Variants in ZNF804A observed in about 807,000 individuals in gnomAD.
ZNF804A encodes zinc finger protein 804A.
In ZNF804A, 2 loss-of-function variants were observed where a neutral mutation model predicts 16.5. The ratio of observed to expected loss-of-function variants is 0.12; its 90% CI spans 0.05 to 0.38. ZNF804A has a LOEUF of 0.38. Among genes scored for constraint, ZNF804A ranks in the 10% least tolerant of loss-of-function variants. ZNF804A has a pLI of 0.99. For missense variants in ZNF804A, 1,473 were observed against 1,390.7 expected, an observed-to-expected ratio of 1.06 and a Z score of -0.94; for synonymous variants, 534 against 489.6, an observed-to-expected ratio of 1.09 and a Z score of -1.20.
chr2:184,784,853 G>A (rs1193626899), intron 1 of ZNF804A, among the ~76,000 whole-genome samples: 4 of 151,934 alleles, frequency 2.6e-5, no homozygotes, highest in Admixed American at 1.3e-4. Flanking sequence ...CATAAGTCTT[G>A]AGAAAGGAAA....
intron 1 of ZNF804A, among the ~76,000 whole-genome samples, chr2:184,839,435 T>A (rs1165794670): frequency 6.6e-6 from 1 of 152,116 alleles, no homozygotes; most frequent in South Asian, 2.1e-4. Flanking sequence ...AATAGTGTTA[T>A]TAATTTAACA....
At chr2:184,719,651 A>G (rs1353590863) in intron 1 of ZNF804A, among the ~76,000 whole-genome samples, 2 of 152,166 alleles carry the variant, frequency 1.3e-5, no homozygotes, top group Non-Finnish European at 2.9e-5. Flanking sequence ...GGCAAAATAC[A>G]GCCAGTCTCT....
At chr2:184,882,094 A>T (rs1240618438) in intron 2 of ZNF804A, among the ~76,000 whole-genome samples, 1 of 152,060 alleles carries the variant, frequency 6.6e-6, no homozygotes, top group East Asian at 1.9e-4. Flanking sequence ...GGAGTGGAGA[A>T]AAATGTACCA....
intron 2 of ZNF804A, among the ~76,000 whole-genome samples, chr2:184,905,408 T>G (rs1685255321): frequency 6.6e-6 from 1 of 151,820 alleles, no homozygotes; most frequent in Non-Finnish European, 1.5e-5. Context: ...ATAACAGCAT[T>G]TTTTTTTAGA....
intron 1 of ZNF804A, among the ~76,000 whole-genome samples, chr2:184,641,473 G>A (rs1429489136): frequency 6.6e-6 from 1 of 152,156 alleles, no homozygotes; most frequent in Non-Finnish European, 1.5e-5. Context: ...TTTATGTCTT[G>A]ATTGTGGTGG....
Position 184,661,788 on chromosome 2 carries a change from A to G in ZNF804A, c.111+62718A>G, listed in dbSNP as rs535130254. 2.0e-5 allele frequency among the ~76,000 whole-genome samples: 3 copies of G among 152,272 alleles called. No homozygotes were observed. The South Asian group carries it at 6.2e-4, about 32-fold the overall frequency. On this transcript the variant is annotated intron_variant, in intron 1 of 3. Coordinates refer to ENST00000302277, the MANE Select transcript of ZNF804A (RefSeq NM_194250.2). ...GGGACCAGTCCCTGTCTGTCTAGGA[A>G]TTAATCTGTCTCATCACTCTCAAGA...
chr2:184,807,880 A>T (rs1694835781), intron 1 of ZNF804A, among the ~76,000 whole-genome samples: 1 of 151,824 alleles, frequency 6.6e-6, no homozygotes, highest in Non-Finnish European at 1.5e-5. Context: ...TATTTAGAGA[A>T]AGGGCAAGAA....
intron 1 of ZNF804A, among the ~76,000 whole-genome samples, chr2:184,700,150 G>A (rs773284633): frequency 2.6e-5 from 4 of 152,044 alleles, no homozygotes; most frequent in Non-Finnish European, 5.9e-5. Flanking sequence ...AGTCATATTT[G>A]TAAACTTATT....
At chr2:184,809,697 G>A (rs1694862598) in intron 1 of ZNF804A, among the ~76,000 whole-genome samples, 1 of 151,384 alleles carries the variant, frequency 6.6e-6, no homozygotes, top group African/African-American at 2.4e-5. Flanking sequence ...TTAAGGTGGG[G>A]GTCAAAAATG....
At chr2:184,764,789 G>C (rs1694090581) in intron 1 of ZNF804A, among the ~76,000 whole-genome samples, 1 of 151,838 alleles carries the variant, frequency 6.6e-6, no homozygotes, top group Admixed American at 6.6e-5. Context: ...CAAAATTAAA[G>C]TCAATATAAT....
At chr2:184,621,510 T>C (rs181001704) in intron 1 of ZNF804A, among the ~76,000 whole-genome samples, 65 of 151,882 alleles carry the variant, frequency 4.3e-4, no homozygotes, top group African/African-American at 1.5e-3. Context: ...AGAGAAAGTA[T>C]GTGTCTGCAT....
intron 1 of ZNF804A, among the ~76,000 whole-genome samples, chr2:184,768,155 AAAC>A (rs1694158590): frequency 6.6e-6 from 1 of 152,106 alleles, no homozygotes. Context: ...CAATACAGGA[AAAC>A]AACTATTTGC....
intron 2 of ZNF804A, among the ~76,000 whole-genome samples, chr2:184,909,451 A>G (rs1685324378): frequency 1.3e-5 from 2 of 152,070 alleles, no homozygotes; most frequent in African/African-American, 4.8e-5. Context: ...TCTAAAGCAT[A>G]AAGTGCATTC....
intron 2 of ZNF804A, among the ~76,000 whole-genome samples, chr2:184,922,564 T>C (rs745975045): frequency 1.3e-5 from 2 of 152,048 alleles, no homozygotes; most frequent in Non-Finnish European, 2.9e-5. Flanking sequence ...CTTCAGTTTG[T>C]TAATTGTTTT....
intron 1 of ZNF804A, among the ~76,000 whole-genome samples, chr2:184,800,855 G>C (rs1694713762): frequency 6.6e-6 from 1 of 151,814 alleles, no homozygotes; most frequent in African/African-American, 2.4e-5. Context: ...TAATCAGTCA[G>C]TTATCAATTA....
chr2:184,857,451 T>G (rs1695705947), intron 1 of ZNF804A, among the ~76,000 whole-genome samples: 1 of 152,144 alleles, frequency 6.6e-6, no homozygotes, highest in Non-Finnish European at 1.5e-5. Context: ...GTATTTCCTG[T>G]TACTGTGGAA....
intron 1 of ZNF804A, among the ~76,000 whole-genome samples, chr2:184,862,447 A>G (rs1314616945): frequency 6.6e-6 from 1 of 152,176 alleles, no homozygotes; most frequent in Non-Finnish European, 1.5e-5. Flanking sequence ...TGCACTTAAC[A>G]TCAACTTGAA....
intron 2 of ZNF804A, among the ~76,000 whole-genome samples, chr2:184,905,321 G>A (rs1685252890): frequency 6.6e-6 from 1 of 151,926 alleles, no homozygotes; most frequent in South Asian, 2.1e-4. Context: ...TATGTTTAAT[G>A]TTTTCCTTTC....
chr2:184,764,717 A>G (rs1467575782), intron 1 of ZNF804A, among the ~76,000 whole-genome samples: 2 of 152,232 alleles, frequency 1.3e-5, no homozygotes, highest in Non-Finnish European at 2.9e-5. Context: ...AGCATGAGAT[A>G]ATAAAACTGT....
Sources: allele counts gnomAD v4.1 joint callset (sites outside exome capture counted in the v4.1 genomes callset), GRCh38; gene constraint gnomAD v4.1.1; transcripts MANE v1.5; gene names NCBI Gene and HGNC (gene_info 2026-07-23, HGNC 2026-07-21).